NBAS: variants seen among roughly 807,000 people sequenced by gnomAD.
The protein encoded by NBAS is NAG/BC035112 fusion.
NBAS carries 219 observed loss-of-function variants against 302.5 expected under a neutral mutation model. The ratio of observed to expected loss-of-function variants is 0.72; its 90% CI spans 0.65 to 0.81. The LOEUF (loss-of-function observed/expected upper bound fraction) is 0.81, where lower values mean the gene tolerates loss of function less well. Ranked by LOEUF, NBAS falls within the 30% of genes least tolerant of loss-of-function variation. The probability of loss-of-function intolerance (pLI) is 0.00; values close to 1 mark genes in which losing one functional copy is unlikely to be tolerated. For synonymous variants in NBAS, 1,118 were observed against 1,021.6 expected (o/e 1.09, Z -1.80); for missense variants, 2,932 against 2,841.6 (o/e 1.03, Z -0.72).
chr2:15,348,740 C>T (rs1226695860), intron 35 of NBAS, among the ~76,000 whole-genome samples: 2 of 151,088 alleles, frequency 1.3e-5, no homozygotes. Context: ...TTTATTTTTA[C>T]CACTGACTGA....
the NBAS span, among the ~76,000 whole-genome samples, chr2:15,064,983 C>T: frequency 6.6e-6 from 1 of 151,958 alleles, no homozygotes; most frequent in Non-Finnish European, 1.5e-5. Context: ...GAGGATAAAG[C>T]ATAAATATCA....
intron 21 of NBAS, among the ~76,000 whole-genome samples, chr2:15,452,515 G>A (rs575595964): frequency 2.5e-4 from 38 of 151,496 alleles, no homozygotes; most frequent in Middle Eastern, 3.4e-3. Flanking sequence ...ATGAACCCAG[G>A]AGGCGGAGCT....
At chr2:15,456,737 A>T (rs1215315088) in intron 21 of NBAS, among the ~76,000 whole-genome samples, 1 of 152,246 alleles carries the variant, frequency 6.6e-6, no homozygotes, top group Non-Finnish European at 1.5e-5. Flanking sequence ...AAGATAAATA[A>T]GTAAAACACA....
Position 15,397,551 on chromosome 2 carries a change from C to A in NBAS, c.3072-1076G>T, listed in dbSNP as rs953455345. On this transcript the variant is annotated intron_variant, in intron 26 of 51. Coordinates refer to ENST00000281513, the MANE Select transcript of NBAS (RefSeq NM_015909.4). ...TTCCTGACTATTTTGCTGTGAATTG[C>A]ACAACCCACACAGTAACGTAGCTTC... The A allele has an allele frequency of 3.1e-5, 19 of 612,696 alleles. No individual in the cohort carries two copies. The East Asian group carries it at 8.1e-4, about 26-fold the overall frequency. The allele number at this position is 612,696 out of a possible 1,614,324, so 38.0% of individuals were successfully genotyped here. A position where few individuals can be genotyped will look rare whatever the true frequency, so the allele number is the denominator to read the frequency against.
chr2:15,327,962 T>C, intron 37 of NBAS, 92 bp from the exon 38 acceptor site: 1 of 1,529,584 alleles, frequency 6.5e-7, no homozygotes, highest in East Asian at 2.3e-5. Context: ...TTATGTTTTC[T>C]GGTGACTTGA....
the NBAS span, among the ~76,000 whole-genome samples, chr2:15,127,016 G>C: frequency 6.6e-6 from 1 of 152,114 alleles, no homozygotes; most frequent in African/African-American, 2.4e-5. Context: ...ACTACATCTT[G>C]GTCCCTCTAA....
chr2:15,374,283 T>A (rs546972925), intron 31 of NBAS, among the ~76,000 whole-genome samples: 1 of 152,344 alleles, frequency 6.6e-6, no homozygotes, highest in South Asian at 2.1e-4. Context: ...TCAAAACTGA[T>A]ATAAATCTGA....
chr2:15,474,549 T>TTC (rs1558372889), intron 14 of NBAS, among the ~76,000 whole-genome samples: 1,958 of 147,838 alleles, frequency 0.013, 42 homozygotes, highest in African/African-American at 0.047. Flanking sequence ...AGCCTGTTTT[T>TTC]TTCTTCTTCT....
Position 15,308,277 on chromosome 2 carries a change from C to A in NBAS, c.4736G>T (p.Ser1579Ile), listed in dbSNP as rs751845257. ...LSLQLAAYYY[S>I]LQIYARLAPC... ...GGCCAATCGGGCATAGATCTGGAGG[C>A]TATAGTAATACGCTGCCAGCTGGAG... The change falls in exon 40 of 52, where the codon AGC becomes ATC. Residue 1579 changes from serine to isoleucine, a missense_variant. By Grantham distance (142) the Ser-to-Ile change is moderately radical. Coordinates refer to ENST00000281513, the MANE Select transcript of NBAS (RefSeq NM_015909.4). 1 of 1,614,164 alleles carries A rather than the reference C, an allele frequency of 6.2e-7. No homozygotes were observed. The highest frequency in any genetic ancestry group is 8.5e-7 in the Non-Finnish European group (1 of 1,180,038).
At chr2:15,203,198 T>A (rs1665962111) in intron 48 of NBAS, among the ~76,000 whole-genome samples, 1 of 152,214 alleles carries the variant, frequency 6.6e-6, no homozygotes, top group Non-Finnish European at 1.5e-5. Context: ...GCATCTATGG[T>A]AGCTACTAGT....
chr2:15,389,545 C>G (rs973106296), intron 28 of NBAS, among the ~76,000 whole-genome samples: 2 of 152,200 alleles, frequency 1.3e-5, no homozygotes, highest in South Asian at 4.2e-4. Flanking sequence ...ATTCCCGAGT[C>G]AAGATAATTT....
chr2:15,461,427 T>A, intron 20 of NBAS, 90 bp from the exon 21 acceptor site: 1 of 1,362,702 alleles, frequency 7.3e-7, no homozygotes, highest in Non-Finnish European at 1.0e-6. Context: ...CTAACTTTTT[T>A]ATGCAGCTCT....
chr2:15,475,947 T>A, intron 13 of NBAS, 67 bp from the exon 14 acceptor site: 1 of 1,259,270 alleles, frequency 7.9e-7, no homozygotes, highest in Non-Finnish European at 1.1e-6. Context: ...AAATATTTAG[T>A]ATAATAATCA....
chr2:15,242,010 C>G (rs1314032981), intron 44 of NBAS, among the ~76,000 whole-genome samples: 1 of 152,204 alleles, frequency 6.6e-6, no homozygotes, highest in African/African-American at 2.4e-5. Context: ...AATTCCCAGT[C>G]ATGTTTCATT....
chr2:14,793,635 T>G, the NBAS span, among the ~76,000 whole-genome samples: 1 of 152,024 alleles, frequency 6.6e-6, no homozygotes, highest in Non-Finnish European at 1.5e-5. Context: ...GAGAATGGAG[T>G]GGAAATAGTC....
At chr2:15,245,644 T>TGGATGGATGGATGGACGGAC (rs1553351366) in intron 44 of NBAS, among the ~76,000 whole-genome samples, 3 of 149,106 alleles carry the variant, frequency 2.0e-5, no homozygotes, top group African/African-American at 7.5e-5. Flanking sequence ...GATGGATGGA[T>TGGATGGATGGATGGACGGAC]GGACGGACGG....
At chr2:15,104,318 T>C in the NBAS span, among the ~76,000 whole-genome samples, 2 of 152,178 alleles carry the variant, frequency 1.3e-5, no homozygotes, top group African/African-American at 4.8e-5. Flanking sequence ...CTTGGGTATG[T>C]CTTTATTAGC....
chr2:15,337,440 C>CA (rs1276186325), intron 35 of NBAS, among the ~76,000 whole-genome samples: 1 of 150,444 alleles, frequency 6.6e-6, no homozygotes, highest in Non-Finnish European at 1.5e-5. Context: ...ACCTGTTCCC[C>CA]AAAAACCTAT....
intron 17 of NBAS, 26 bp from the exon 18 acceptor site, chr2:15,467,830 T>TG: frequency 6.5e-7 from 1 of 1,530,240 alleles, no homozygotes; most frequent in East Asian, 2.3e-5. Flanking sequence ...AACAAATATA[T>TG]TTTCATCATT....
Sources: gnomAD v4.1 joint callset for allele counts (sites outside exome capture counted in the v4.1 genomes callset) on GRCh38, gnomAD v4.1.1 for gene constraint, MANE v1.5 for transcripts, NCBI Gene and HGNC (gene_info 2026-07-23, HGNC 2026-07-21) for gene names.